The following PCDHGA6 variants were observed in gnomAD, a reference collection of about 807,000 sequenced individuals.
PCDHGA6 encodes the protein protocadherin gamma subfamily A, 6.
PCDHGA6 carries 41 observed loss-of-function variants against 60.6 expected under a neutral mutation model. That is an observed-to-expected ratio of 0.68 (90% CI 0.53 to 0.88). The LOEUF (loss-of-function observed/expected upper bound fraction) is 0.88, where lower values mean the gene tolerates loss of function less well. PCDHGA6 is among the 40% of genes least tolerant of loss of function. The pLI is 0.00. For missense variants in PCDHGA6, 1,312 were observed against 1,203.0 expected (o/e 1.09, Z -1.34); for synonymous variants, 594 against 524.4 (o/e 1.13, Z -1.81).
In PCDHGA6 at chr5:141,432,976, C is replaced by T; in HGVS notation, c.2424+56469C>T. 1 of 1,614,210 alleles carries T rather than the reference C, an allele frequency of 6.2e-7. No individual in the cohort carries two copies. On this transcript the variant is annotated intron_variant, in intron 1 of 3. Transcript: ENST00000517434. The surrounding 1 kb of genome is among the most constrained non-coding windows in gnomAD (Gnocchi z 6.0). Reference sequence around the variant, plus strand: ...GCTTGACAGGAGCGCCGGCGTCGCACTTTGTGGGCGTGGACGGGGTGCAGG... The same window carrying T: ...GCTTGACAGGAGCGCCGGCGTCGCATTTTGTGGGCGTGGACGGGGTGCAGG...
At chr5:141,500,877 A>C (rs2099803156) in intron 2 of PCDHGA6, among the ~76,000 whole-genome samples, 1 of 122,292 alleles carries the variant, frequency 8.2e-6, no homozygotes, top group African/African-American at 3.9e-5. Flanking sequence ...TTCATTTACA[A>C]TTTTTTTTTT....
At chr5:141,386,634 G>A (rs1351043708) in intron 1 of PCDHGA6, among the ~76,000 whole-genome samples, 2 of 151,884 alleles carry the variant, frequency 1.3e-5, no homozygotes, top group Non-Finnish European at 2.9e-5. Context: ...CTGTCACCCA[G>A]GCTGGATACA....
chr5:141,408,777 C>T (rs1019825842), intron 1 of PCDHGA6: 22 of 1,611,714 alleles, frequency 1.4e-5, no homozygotes, highest in Non-Finnish European at 1.8e-5. Context: ...GGCAAATACC[C>T]AGAGTTATCT....
chr5:141,440,444 C>G (rs2098178389), intron 1 of PCDHGA6: 1 of 152,038 alleles, frequency 6.6e-6, no homozygotes, highest in Admixed American at 6.6e-5. Context: ...AAGGCGCCAT[C>G]TCAAAAAAAA....
chr5:141,374,350 G>A lies in PCDHGA6; in HGVS notation c.267G>A (p.Arg89=). 1 of 1,614,038 alleles carries A rather than the reference G, an allele frequency of 6.2e-7. No homozygotes were observed. Among genetic ancestry groups the A allele is most frequent in the Non-Finnish European group, 8.5e-7 (1 of 1,179,906 alleles). The change falls in exon 1 of 4, where the codon AGG becomes AGA. Residue 89 remains arginine (R), a synonymous_variant. Transcript: ENST00000517434. ...ACGGCAGCTTGGTCACCGCGGGTAGGATAGACCGCGAGGAGCTCTGTGCTC... is the reference window on the plus strand; with the variant it reads ...ACGGCAGCTTGGTCACCGCGGGTAGAATAGACCGCGAGGAGCTCTGTGCTC... ...PRNGSLVTAG[R]IDREELCAQS...
chr5:141,399,091 G>A (rs1299050213), intron 1 of PCDHGA6: 2 of 1,613,762 alleles, frequency 1.2e-6, no homozygotes, highest in South Asian at 1.1e-5. Context: ...GGATGGTGGT[G>A]GACTGGTTGC....
intron 1 of PCDHGA6, chr5:141,415,715 T>A: frequency 7.0e-7 from 1 of 1,428,190 alleles, no homozygotes; most frequent in Non-Finnish European, 9.3e-7. Flanking sequence ...AAAACACTGA[T>A]GAGTAGAATT....
chr5:141,423,744 A>T, intron 1 of PCDHGA6: 4 of 429,458 alleles, frequency 9.3e-6, no homozygotes, highest in Non-Finnish European at 8.7e-6. Context: ...TGTTATGAAA[A>T]CTGTTTGGGG....
intron 1 of PCDHGA6, among the ~76,000 whole-genome samples, chr5:141,456,877 C>T (rs910777736): frequency 2.0e-5 from 3 of 152,202 alleles, no homozygotes; most frequent in South Asian, 2.1e-4. Context: ...GCAGGAGAAT[C>T]GCTTGAACCC....
At chr5:141,399,362 C>G (rs182743080) in intron 1 of PCDHGA6, 1 of 1,613,872 alleles carries the variant, frequency 6.2e-7, no homozygotes, top group Non-Finnish European at 8.5e-7. Context: ...GAGCAAACCC[C>G]GGAGTACAAT....
At chr5:141,414,834 C>T in intron 1 of PCDHGA6, 1 of 1,614,252 alleles carries the variant, frequency 6.2e-7, no homozygotes, top group South Asian at 1.1e-5. Context: ...TGTCGTTGAG[C>T]CTGTTTGTGC....
At chr5:141,474,912 C>T (rs1018411233) in intron 1 of PCDHGA6, among the ~76,000 whole-genome samples, 6 of 152,214 alleles carry the variant, frequency 3.9e-5, no homozygotes, top group African/African-American at 1.2e-4. Flanking sequence ...CAAGGATATA[C>T]ATCTCATCTC....
intron 1 of PCDHGA6, chr5:141,403,315 A>G (rs1268267002): frequency 6.2e-7 from 1 of 1,613,974 alleles, no homozygotes; most frequent in Non-Finnish European, 8.5e-7. Flanking sequence ...GAATAGAAAT[A>G]GAAGTAACTG....
chr5:141,375,110 A>C lies in PCDHGA6; in HGVS notation c.1027A>C (p.Asn343His). The change falls in exon 1 of 4, where the codon AAT becomes CAT. Residue 343 changes from asparagine (N) to histidine (H), a missense_variant. Transcript: ENST00000517434. The stretch of plus-strand genomic sequence containing the variant: ...AATAACTATCTTGGATGTCAATGAT[A>C]ATGTACCAGAAGTGGTTGTTACATC... The part of the protein sequence containing the change: ...VLITILDVND[N>H]VPEVVVTSGS... 1 of 1,613,972 alleles carries C rather than the reference A, an allele frequency of 6.2e-7. No homozygotes were observed. The highest frequency in any genetic ancestry group is 8.5e-7 in the Non-Finnish European group (1 of 1,179,900).
rs369595307 is a variant in PCDHGA6, at chr5:141,394,005, A to G, written c.2424+17498A>G. On this transcript the variant is annotated intron_variant, in intron 1 of 3. Coordinates refer to ENST00000517434, the MANE Select transcript of PCDHGA6 (RefSeq NM_018919.3). ...TTTACCTTTTAAATTAGAAAAGTCA[A>G]TAGGTAATTATTATAGATTAGTGAC... 52 of 1,613,340 alleles carry G rather than the reference A, an allele frequency of 3.2e-5. No individual in the cohort carries two copies. In the African/African-American group the frequency reaches 5.6e-4, roughly 17 times the overall value.
At chr5:141,447,719 C>T (rs1333017511) in intron 1 of PCDHGA6, among the ~76,000 whole-genome samples, 2 of 152,226 alleles carry the variant, frequency 1.3e-5, no homozygotes, top group East Asian at 3.9e-4. Context: ...TACACATTTT[C>T]CAAAACTCAT....
intron 1 of PCDHGA6, among the ~76,000 whole-genome samples, chr5:141,479,935 A>C (rs1226362422): frequency 1.3e-5 from 2 of 152,232 alleles, no homozygotes. Context: ...CATCATTGCT[A>C]TCAACTCTTG....
chr5:141,415,031 G>T lies in PCDHGA6; in HGVS notation c.2424+38524G>T, dbSNP rs982540695. The T allele has an allele frequency of 6.2e-6, 10 of 1,613,464 alleles. No individual in the cohort carries two copies. The highest frequency in any genetic ancestry group is 6.8e-6 in the Non-Finnish European group (8 of 1,179,984). On this transcript the variant is annotated intron_variant, in intron 1 of 3. Transcript: ENST00000517434. ...CGTCTGCTCAAGGCCAGCGAGCCGGGACTCTTCGCGGTGGGGGAGCACACG... is the reference window on the plus strand; with the variant it reads ...CGTCTGCTCAAGGCCAGCGAGCCGGTACTCTTCGCGGTGGGGGAGCACACG...
chr5:141,498,684 C>T (rs1255085852), intron 2 of PCDHGA6, among the ~76,000 whole-genome samples: 1 of 152,192 alleles, frequency 6.6e-6, no homozygotes, highest in South Asian at 2.1e-4. Flanking sequence ...GTAATCCCAG[C>T]ACTTTGGGAG....
Sources: gnomAD v4.1 joint callset for allele counts (sites outside exome capture counted in the v4.1 genomes callset) on GRCh38, gnomAD v4.1.1 for gene constraint, Gnocchi (gnomAD v3.1) non-coding constraint, MANE v1.5 for transcripts, NCBI Gene and HGNC (gene_info 2026-07-23, HGNC 2026-07-21) for gene names.